Variants in ATP1B3 observed in about 807,000 individuals in gnomAD.
ATP1B3 encodes sodium/potassium-transporting ATPase subunit beta-3.
ATP1B3 carries 10 observed loss-of-function variants against 30.2 expected under a neutral mutation model. That is an observed-to-expected ratio of 0.33 (90% CI 0.20 to 0.56). The LOEUF (loss-of-function observed/expected upper bound fraction) is 0.56, where lower values mean the gene tolerates loss of function less well. Ranked by LOEUF, ATP1B3 falls within the 20% of genes least tolerant of loss-of-function variation. The pLI is 0.90. For missense variants in ATP1B3, 238 were observed against 336.7 expected, an observed-to-expected ratio of 0.71 and a Z score of 2.29; for synonymous variants, 113 against 117.0, an observed-to-expected ratio of 0.97 and a Z score of 0.22.
chr3:141,896,080 G>A (rs763250205), intron 1 of ATP1B3, among the ~76,000 whole-genome samples: 12 of 152,198 alleles, frequency 7.9e-5, no homozygotes, highest in Non-Finnish European at 1.3e-4. Context: ...GACTGGGTGC[G>A]GTGGCTCACA....
At chr3:141,919,326 A>G (rs1934525101) in intron 5 of ATP1B3, among the ~76,000 whole-genome samples, 1 of 150,926 alleles carries the variant, frequency 6.6e-6, no homozygotes, top group African/African-American at 2.4e-5. Context: ...CCATGTTGCC[A>G]GGCTGGTCTT....
chr3:141,925,999 A>G lies in ATP1B3; in HGVS notation c.*298A>G, dbSNP rs749165525. ...CTCTTTTTATGTGGTTTAATTGCCA[A>G]GTGTCTAAAGCTTAATATGCCGTGC... On this transcript the variant is annotated 3_prime_UTR_variant, in exon 7 of 7. Coordinates refer to ENST00000286371, the MANE Select transcript of ATP1B3 (RefSeq NM_001679.4). 7 of 295,734 alleles carry G rather than the reference A, an allele frequency of 2.4e-5. No individual in the cohort carries two copies. The highest frequency in any genetic ancestry group is 9.9e-5 in the South Asian group (1 of 10,092). The allele number at this position is 295,734 out of a possible 1,614,324, so 18.3% of individuals were successfully genotyped here. A position where few individuals can be genotyped will look rare whatever the true frequency, so the allele number is the denominator to read the frequency against.
chr3:141,881,844 C>T (rs1201625967), intron 1 of ATP1B3, among the ~76,000 whole-genome samples: 1 of 152,140 alleles, frequency 6.6e-6, no homozygotes, highest in Non-Finnish European at 1.5e-5. Flanking sequence ...GCCAATGGTA[C>T]ATGTGGTGAC....
In ATP1B3 at chr3:141,896,018, C is replaced by T. The variant is rs1359953173; in HGVS notation, c.110-7602C>T. ...GGGCTTATTTTTGCAATCCTTACAT[C>T]TTGGTGAAGTTTCGGTTCAGATCTT... On this transcript the variant is annotated intron_variant, in intron 1 of 6. Transcript: ENST00000286371. Among the ~76,000 whole-genome samples the T allele has an allele frequency of 3.3e-5, 5 of 152,176 alleles. No individual in the cohort carries two copies. In the East Asian group the frequency reaches 9.7e-4, roughly 29 times the overall value.
At chr3:141,890,204 T>TCCTGAGTAGCTGGGACTA (rs1029121381) in intron 1 of ATP1B3, among the ~76,000 whole-genome samples, 1 of 143,286 alleles carries the variant, frequency 7.0e-6, no homozygotes, top group Non-Finnish European at 1.5e-5. Flanking sequence ...CTGCCTCGCC[T>TCCTGAGTAGCTGGGACTA]CCTGAGTAGC....
At chr3:141,899,664 G>A (rs140834679) in intron 1 of ATP1B3, among the ~76,000 whole-genome samples, 20 of 152,324 alleles carry the variant, frequency 1.3e-4, no homozygotes, top group African/African-American at 4.3e-4. Context: ...GAGGTCAGGA[G>A]TTCGAGACCA....
chr3:141,878,014 G>A lies in ATP1B3; in HGVS notation c.109+1104G>A, dbSNP rs71304107. ...GCATGGAGAAATAAGCTGTGACTCA[G>A]AAAATAAACTGTTGGTGCAGACTGA... On this transcript the variant is annotated intron_variant, in intron 1 of 6. Transcript: ENST00000286371. Among the ~76,000 whole-genome samples, 3 of 152,184 alleles carry A rather than the reference G, an allele frequency of 2.0e-5. No homozygotes were observed. In the South Asian group the frequency reaches 6.2e-4, roughly 31 times the overall value.
At chr3:141,890,651 T>A (rs1933933688) in intron 1 of ATP1B3, among the ~76,000 whole-genome samples, 1 of 148,324 alleles carries the variant, frequency 6.7e-6, no homozygotes, top group Non-Finnish European at 1.5e-5. Context: ...TTGCCCAGGC[T>A]GGTCTCGAAC....
Position 141,904,700 on chromosome 3 carries a change from A to T in ATP1B3, c.238+952A>T, listed in dbSNP as rs1287103095. On this transcript the variant is annotated intron_variant, in intron 2 of 6. Transcript: ENST00000286371. ...CCTCCTGATTTTATTCTTTTTAAAC[A>T]GTCTTTTTTTTTTTTTTTTTTTTTT... Among the ~76,000 whole-genome samples, 7 of 124,468 alleles carry T rather than the reference A, an allele frequency of 5.6e-5. No individual in the cohort carries two copies. The Admixed American group carries it at 5.8e-4, about 10-fold the overall frequency. 81.7% of individuals were successfully genotyped at this position (124,468 alleles called of 152,430 possible).
At chr3:141,897,242 A>G (rs1934084744) in intron 1 of ATP1B3, among the ~76,000 whole-genome samples, 3 of 151,232 alleles carry the variant, frequency 2.0e-5, no homozygotes, top group African/African-American at 7.3e-5. Context: ...TGAGCCAACT[A>G]CCTTATTTCT....
chr3:141,918,596 G>A (rs6796436), intron 5 of ATP1B3: 119,155 of 151,966 alleles, frequency 0.78, 47,437 homozygotes, highest in African/African-American at 0.94. Flanking sequence ...GTGCTATCAC[G>A]CCCGGTTAAT....
chr3:141,884,827 C>T (rs1174844388), intron 1 of ATP1B3, among the ~76,000 whole-genome samples: 2 of 152,166 alleles, frequency 1.3e-5, no homozygotes, highest in African/African-American at 2.4e-5. Flanking sequence ...CTGACTAATG[C>T]AATGTATGTA....
chr3:141,906,049 G>A (rs1320507047), intron 2 of ATP1B3, among the ~76,000 whole-genome samples: 7 of 151,002 alleles, frequency 4.6e-5, no homozygotes, highest in Admixed American at 4.0e-4. Flanking sequence ...TTTATGTGTT[G>A]TATATTATAT....
intron 5 of ATP1B3, among the ~76,000 whole-genome samples, chr3:141,920,124 A>G (rs554174458): frequency 2.6e-5 from 4 of 152,166 alleles, no homozygotes; most frequent in Non-Finnish European, 5.9e-5. Flanking sequence ...AGGCACACAC[A>G]GAGAGCAGTT....
intron 1 of ATP1B3, among the ~76,000 whole-genome samples, chr3:141,880,585 C>G (rs1933702729): frequency 6.6e-6 from 1 of 150,904 alleles, no homozygotes; most frequent in Non-Finnish European, 1.5e-5. Context: ...AGTAGTGGGC[C>G]AAGTGTTGCC....
intron 5 of ATP1B3, among the ~76,000 whole-genome samples, chr3:141,921,046 G>A (rs1164183324): frequency 2.0e-5 from 3 of 152,036 alleles, no homozygotes; most frequent in African/African-American, 7.2e-5. Context: ...TTTCATGCAT[G>A]CTTTCAACCC....
At chr3:141,920,595 CT>C (rs1934549486) in intron 5 of ATP1B3, among the ~76,000 whole-genome samples, 1 of 151,954 alleles carries the variant, frequency 6.6e-6, no homozygotes, top group African/African-American at 2.4e-5. Context: ...AAAAAAAATC[CT>C]TTTTTTCATT....
chr3:141,925,942 T>C lies in ATP1B3; in HGVS notation c.*241T>C, dbSNP rs1934651272. 2.3e-6 allele frequency: 1 copy of C among 437,068 alleles called. No homozygotes were observed. The highest frequency in any genetic ancestry group is 4.0e-6 in the Non-Finnish European group (1 of 249,024). 27.1% of individuals were successfully genotyped at this position (437,068 alleles called of 1,614,324 possible). A position where few individuals can be genotyped will look rare whatever the true frequency, so the allele number is the denominator to read the frequency against. ...CGCCAGATAGGGACCGGTGAACACC[T>C]GATTCCAAACATGTAGGATGGGGGT... is the stretch of plus-strand genomic sequence containing the variant. On this transcript the variant is annotated 3_prime_UTR_variant, in exon 7 of 7. Coordinates refer to ENST00000286371, the MANE Select transcript of ATP1B3 (RefSeq NM_001679.4).
At chr3:141,893,300 C>T (rs2107768210) in intron 1 of ATP1B3, among the ~76,000 whole-genome samples, 1 of 152,274 alleles carries the variant, frequency 6.6e-6, no homozygotes, top group South Asian at 2.1e-4. Context: ...TGAGCCACCA[C>T]ACCCAGCTCT....
Sources: allele counts gnomAD v4.1 joint callset (sites outside exome capture counted in the v4.1 genomes callset), GRCh38; gene constraint gnomAD v4.1.1; transcripts MANE v1.5; gene names NCBI Gene and HGNC (gene_info 2026-07-23, HGNC 2026-07-21).